Variants in SLC16A10 observed in about 807,000 individuals in gnomAD.
The protein encoded by SLC16A10 is monocarboxylate transporter 10.
A neutral mutation model predicts 40.0 loss-of-function variants in SLC16A10; 27 were observed. The observed-to-expected ratio is 0.67, with a 90% CI of 0.50 to 0.93. The LOEUF (loss-of-function observed/expected upper bound fraction) is 0.93, where lower values mean the gene tolerates loss of function less well. Among genes scored for constraint, SLC16A10 ranks in the 40% least tolerant of loss-of-function variants. The pLI is 0.00. For synonymous variants in SLC16A10, 213 were observed against 249.8 expected (o/e 0.85, Z 1.39); for missense variants, 529 against 658.2 (o/e 0.80, Z 2.15).
chr6:111,144,686 A>G (rs1772045500), intron 1 of SLC16A10, among the ~76,000 whole-genome samples: 1 of 152,196 alleles, frequency 6.6e-6, no homozygotes, highest in South Asian at 2.1e-4. Context: ...GTATGATAAA[A>G]CTTTTGGGGT....
chr6:111,117,885 T>C (rs934455481), intron 1 of SLC16A10, among the ~76,000 whole-genome samples: 3 of 152,206 alleles, frequency 2.0e-5, no homozygotes, highest in African/African-American at 4.8e-5. Context: ...TCTTAGGACT[T>C]CAAATCTAGT....
intron 5 of SLC16A10, 54 bp downstream of exon 5, chr6:111,219,096 A>G: frequency 3.4e-6 from 5 of 1,484,046 alleles, no homozygotes; most frequent in Non-Finnish European, 4.7e-6. Context: ...TTTCTACTTC[A>G]GGTCTTAATT....
chr6:111,100,672 C>T (rs536178447), intron 1 of SLC16A10, among the ~76,000 whole-genome samples: 39 of 151,966 alleles, frequency 2.6e-4, no homozygotes, highest in Admixed American at 1.2e-3. Flanking sequence ...TGTGAGCCAC[C>T]GTGCCCGGCC....
intron 1 of SLC16A10, among the ~76,000 whole-genome samples, chr6:111,112,760 A>G (rs942251671): frequency 6.6e-6 from 1 of 152,236 alleles, no homozygotes; most frequent in East Asian, 1.9e-4. Context: ...ATTAGAGCAG[A>G]CTGTGCACTA....
At chr6:111,159,646 G>A (rs1337523300) in intron 1 of SLC16A10, among the ~76,000 whole-genome samples, 1 of 152,152 alleles carries the variant, frequency 6.6e-6, no homozygotes, top group African/African-American at 2.4e-5. Context: ...TAGGCTCAGG[G>A]GCTGGGAACC....
intron 3 of SLC16A10, chr6:111,193,329 G>T: frequency 1.0e-6 from 1 of 985,704 alleles, no homozygotes; most frequent in Non-Finnish European, 1.2e-6. Flanking sequence ...GTTCAGGTTA[G>T]TGACAATTTG....
intron 3 of SLC16A10, among the ~76,000 whole-genome samples, chr6:111,185,926 G>T (rs541053318): frequency 1.1e-3 from 163 of 150,614 alleles, no homozygotes; most frequent in Non-Finnish European, 2.1e-3. Context: ...TTAAGACAGG[G>T]TCTCACTCTC....
intron 1 of SLC16A10, among the ~76,000 whole-genome samples, chr6:111,153,422 C>T (rs907234800): frequency 6.6e-6 from 1 of 152,090 alleles, no homozygotes; most frequent in African/African-American, 2.4e-5. Flanking sequence ...CTAGCCCCAG[C>T]TACTCAGGAG....
At chr6:111,216,570 CTTTTT>C (rs55837060) in intron 4 of SLC16A10, among the ~76,000 whole-genome samples, 1 of 133,562 alleles carries the variant, frequency 7.5e-6, no homozygotes, top group Non-Finnish European at 1.6e-5. Flanking sequence ...GCCCGGCTAA[CTTTTT>C]TTTTTTTTTT....
At chr6:111,184,099 C>T (rs1163239195) in intron 3 of SLC16A10, among the ~76,000 whole-genome samples, 2 of 152,170 alleles carry the variant, frequency 1.3e-5, no homozygotes, top group Non-Finnish European at 2.9e-5. Context: ...CAATCTGAAG[C>T]TGATGATGTA....
chr6:111,163,309 C>T (rs1033245749), intron 1 of SLC16A10, among the ~76,000 whole-genome samples: 9 of 151,184 alleles, frequency 6.0e-5, no homozygotes, highest in East Asian at 2.0e-4. Context: ...CCCGCCACTA[C>T]GCCCGGCTAA....
intron 1 of SLC16A10, among the ~76,000 whole-genome samples, chr6:111,152,728 T>C (rs1006833982): frequency 3.9e-5 from 6 of 152,218 alleles, no homozygotes; most frequent in Non-Finnish European, 7.3e-5. Context: ...GAATGCCTTA[T>C]TGTGGACCGA....
chr6:111,138,293 A>G (rs1771918329), intron 1 of SLC16A10, among the ~76,000 whole-genome samples: 2 of 152,268 alleles, frequency 1.3e-5, no homozygotes, highest in African/African-American at 4.8e-5. Flanking sequence ...TGTTTTAGGC[A>G]GAGAGATACA....
chr6:111,195,856 C>G (rs1773071522), intron 3 of SLC16A10, among the ~76,000 whole-genome samples: 1 of 152,164 alleles, frequency 6.6e-6, no homozygotes, highest in African/African-American at 2.4e-5. Context: ...TGTCCTCCTA[C>G]CAGGGTGTGG....
At chr6:111,214,128 TAGA>T (rs771815019) in intron 4 of SLC16A10, among the ~76,000 whole-genome samples, 3 of 152,326 alleles carry the variant, frequency 2.0e-5, no homozygotes, top group South Asian at 4.1e-4. Flanking sequence ...CACTAACTCA[TAGA>T]AGGTTAATAC....
chr6:111,172,705 T>C lies in SLC16A10; in HGVS notation c.354T>C (p.Gly118=). 6.2e-7 allele frequency: 1 copy of C among 1,613,984 alleles called. No homozygotes were observed. The highest frequency in any genetic ancestry group is 8.5e-7 in the Non-Finnish European group (1 of 1,179,880). Residue 118 remains glycine (G), a synonymous_variant, in exon 2 of 6, where the codon GGT becomes GGC. Coordinates refer to ENST00000368851, the MANE Select transcript of SLC16A10 (RefSeq NM_018593.5). The part of the protein sequence containing the change: ...DKMVFKTAWV[G]SLSMGMIFFC... The stretch of plus-strand genomic sequence containing the variant: ...TCCCTTCTTTTACAGCATGGGTAGG[T>C]TCTCTCTCCATGGGGATGATTTTCT...
intron 1 of SLC16A10, among the ~76,000 whole-genome samples, chr6:111,135,178 C>A (rs1262511072): frequency 6.6e-6 from 1 of 152,154 alleles, no homozygotes; most frequent in Non-Finnish European, 1.5e-5. Context: ...CATTTGTTGT[C>A]CCCTGCTGGA....
rs1323112448 is a variant in SLC16A10, at chr6:111,230,738, TATA to T, written c.*8507_*8509del. 1 of 152,238 alleles carries T rather than the reference TATA, an allele frequency of 6.6e-6. No individual in the cohort carries two copies. Among genetic ancestry groups the T allele is most frequent in the African/African-American group, 2.4e-5 (1 of 41,462 alleles). 9.4% of individuals were successfully genotyped at this position (152,238 alleles called of 1,614,324 possible). ...TGTGGATATTTTAAGTATCTCCTAG[TATA>T]ATATGACATTGTTCATGTGGACTTA... On this transcript the variant is annotated 3_prime_UTR_variant, in exon 6 of 6. Coordinates refer to ENST00000368851, the MANE Select transcript of SLC16A10 (RefSeq NM_018593.5).
At chr6:111,199,298 A>G (rs1004406313) in intron 3 of SLC16A10, among the ~76,000 whole-genome samples, 12 of 152,098 alleles carry the variant, frequency 7.9e-5, no homozygotes, top group African/African-American at 2.9e-4. Context: ...TGTCTCTGCT[A>G]AAAACACAAA....
Sources: allele counts gnomAD v4.1 joint callset (sites outside exome capture counted in the v4.1 genomes callset), GRCh38; gene constraint gnomAD v4.1.1; transcripts MANE v1.5; gene names NCBI Gene and HGNC (gene_info 2026-07-23, HGNC 2026-07-21).